Variants in MARCHF6 observed in about 807,000 individuals in gnomAD.
The protein encoded by MARCHF6 is membrane associated ring-CH-type finger 6.
A neutral mutation model predicts 133.7 loss-of-function variants in MARCHF6; 31 were observed. The observed-to-expected ratio is 0.23, with a 90% CI of 0.17 to 0.31. The LOEUF is 0.31. MARCHF6 is among the 10% of genes least tolerant of loss of function. MARCHF6 has a pLI of 1.00. For synonymous variants in MARCHF6, 395 were observed against 402.5 expected (o/e 0.98, Z 0.22); for missense variants, 723 against 1,121.6 (o/e 0.64, Z 5.08).
Position 10,353,835 on chromosome 5 carries a change from TCCCTCTTTCCCCG to T in MARCHF6, c.-60_-48del. 1 of 1,473,122 alleles carries T rather than the reference TCCCTCTTTCCCCG, an allele frequency of 6.8e-7. No individual in the cohort carries two copies. Among genetic ancestry groups the T allele is most frequent in the Non-Finnish European group, 9.2e-7 (1 of 1,091,758 alleles). 91.3% of individuals were successfully genotyped at this position (1,473,122 alleles called of 1,614,324 possible). The stretch of plus-strand genomic sequence containing the variant: ...GGCCCGGCTCCCTCCTCCTCTCCCC[TCCCTCTTTCCCCG>T]CCCGGCCGCGGGAGCCTCGTGGCTG... On this transcript the variant is annotated 5_prime_UTR_variant, in exon 1 of 26. Coordinates refer to ENST00000274140, the MANE Select transcript of MARCHF6 (RefSeq NM_005885.4).
At position 10,381,956 on chromosome 5, in the gene MARCHF6, G is replaced by A. The variant is rs371732126; in HGVS notation, c.334+13G>A. ...CCTCTTACAGCATGTGAGTATTCAT[G>A]CCTCTGATTGGAGTTATTTAAACAT... On this transcript the variant is annotated intron_variant, in intron 4 of 25. Transcript: ENST00000274140. The A allele has an allele frequency of 2.4e-5, 39 of 1,609,892 alleles. No homozygotes were observed. The highest frequency in any genetic ancestry group is 3.0e-5 in the Non-Finnish European group (35 of 1,177,762).
rs199505746 is a variant in MARCHF6, at chr5:10,430,040, G to T, written c.2642+12G>T. On this transcript the variant is annotated intron_variant, in intron 25 of 25. Transcript: ENST00000274140. ...ATTAAAAATGACAAGTAAGTCTGGC[G>T]TTCTGTTCGTCTCTTGTTTAAGTGT... The T allele has an allele frequency of 6.2e-7, 1 of 1,603,906 alleles. No homozygotes were observed. Among genetic ancestry groups the T allele is most frequent in the Non-Finnish European group, 8.5e-7 (1 of 1,172,458 alleles).
chr5:10,417,992 G>A (rs1043395068), intron 22 of MARCHF6, among the ~76,000 whole-genome samples: 1 of 152,064 alleles, frequency 6.6e-6, no homozygotes, highest in Admixed American at 6.5e-5. Context: ...CACCTTTGAG[G>A]TAGGGTGAAT....
chr5:10,376,304 C>T (rs1198092854), intron 1 of MARCHF6, among the ~76,000 whole-genome samples: 1 of 151,878 alleles, frequency 6.6e-6, no homozygotes, highest in African/African-American at 2.4e-5. Context: ...TCCAGACGCG[C>T]TGCCTTAAGA....
At chr5:10,391,095 A>G (rs1316909214) in intron 6 of MARCHF6, among the ~76,000 whole-genome samples, 2 of 152,216 alleles carry the variant, frequency 1.3e-5, no homozygotes, top group African/African-American at 2.4e-5. Context: ...TGTTTTTAAA[A>G]AGAATTTAGT....
chr5:10,398,638 G>T (rs1738333917), intron 10 of MARCHF6, among the ~76,000 whole-genome samples: 2 of 149,698 alleles, frequency 1.3e-5, no homozygotes, highest in African/African-American at 2.5e-5. Context: ...CTTTACTCTT[G>T]CAGAAAAGCT....
intron 1 of MARCHF6, chr5:10,354,766 C>T (rs1218916559): frequency 6.6e-6 from 1 of 152,076 alleles, no homozygotes; most frequent in Non-Finnish European, 1.5e-5. Flanking sequence ...TTCCGGTTAT[C>T]GTGCAAATGC....
intron 24 of MARCHF6, among the ~76,000 whole-genome samples, chr5:10,427,435 TC>T (rs1190949009): frequency 7.9e-5 from 12 of 152,336 alleles, no homozygotes; most frequent in African/African-American, 2.9e-4. Flanking sequence ...ACAAGGCTCC[TC>T]CTTTTGCTTT....
At chr5:10,400,235 A>G (rs1049577730) in intron 10 of MARCHF6, among the ~76,000 whole-genome samples, 2 of 152,202 alleles carry the variant, frequency 1.3e-5, no homozygotes, top group African/African-American at 4.8e-5. Context: ...TTTCTGAAAG[A>G]AGAAGAAATT....
rs1211964278 is a variant in MARCHF6, at chr5:10,438,721, A to G, written c.*5037A>G. ...AAGGAACTCAGAATGGAACAGAAGC[A>G]TGAGCAAAAGATTGTATTACAGAGG... On this transcript the variant is annotated 3_prime_UTR_variant, in exon 26 of 26. Coordinates refer to ENST00000274140, the MANE Select transcript of MARCHF6 (RefSeq NM_005885.4). The G allele has an allele frequency of 6.6e-6, 1 of 152,276 alleles. No homozygotes were observed. The highest frequency in any genetic ancestry group is 1.5e-5 in the Non-Finnish European group (1 of 68,054). 9.4% of individuals were successfully genotyped at this position (152,276 alleles called of 1,614,324 possible).
At chr5:10,358,586 G>C (rs1436836637) in intron 1 of MARCHF6, among the ~76,000 whole-genome samples, 1 of 152,104 alleles carries the variant, frequency 6.6e-6, no homozygotes, top group Non-Finnish European at 1.5e-5. Flanking sequence ...GTAATCTAGA[G>C]ATAATTTAAA....
At chr5:10,411,589 T>C in intron 19 of MARCHF6, 52 bp downstream of exon 19, 1 of 1,462,524 alleles carries the variant, frequency 6.8e-7, no homozygotes. Flanking sequence ...GGTTTTTTTG[T>C]TCTCCAAATT....
intron 5 of MARCHF6, 84 bp from the exon 6 acceptor site, chr5:10,390,248 T>G: frequency 1.8e-6 from 2 of 1,085,542 alleles, no homozygotes; most frequent in Non-Finnish European, 2.7e-6. Context: ...TTTCTGAGAC[T>G]TTAGTATAAG....
chr5:10,377,177 A>G (rs1448536623), intron 1 of MARCHF6, among the ~76,000 whole-genome samples: 1 of 152,094 alleles, frequency 6.6e-6, no homozygotes, highest in Non-Finnish European at 1.5e-5. Context: ...AGGACCCCTT[A>G]GCGCTGTCCC....
intron 1 of MARCHF6, 34 bp downstream of exon 1, chr5:10,353,951 C>G: frequency 6.5e-7 from 1 of 1,534,236 alleles, no homozygotes; most frequent in Non-Finnish European, 8.7e-7. Flanking sequence ...CGAGCCCTTG[C>G]GTCGGCGCCC....
chr5:10,411,910 G>A (rs968764066), intron 19 of MARCHF6, among the ~76,000 whole-genome samples: 1 of 152,162 alleles, frequency 6.6e-6, no homozygotes. Flanking sequence ...TATAGCTAAG[G>A]AAACTGAAGG....
chr5:10,425,942 A>G (rs1249992522), intron 23 of MARCHF6, among the ~76,000 whole-genome samples: 1 of 152,210 alleles, frequency 6.6e-6, no homozygotes, highest in Admixed American at 6.5e-5. Flanking sequence ...TGATTTATGC[A>G]AGCTTTTCAG....
chr5:10,436,408 C>A lies in MARCHF6; in HGVS notation c.*2724C>A, dbSNP rs1320148054. On this transcript the variant is annotated 3_prime_UTR_variant, in exon 26 of 26. Transcript: ENST00000274140. The stretch of plus-strand genomic sequence containing the variant: ...GTAGCATCCGGGTTTTAGTATTTAA[C>A]CAAGAGCCTTTTAAATATTGAAAAC... 6.6e-6 allele frequency: 1 copy of A among 152,144 alleles called. No homozygotes were observed. Among genetic ancestry groups the A allele is most frequent in the Non-Finnish European group, 1.5e-5 (1 of 68,026 alleles). The allele number at this position is 152,144 out of a possible 1,614,324, so 9.4% of individuals were successfully genotyped here. A position where few individuals can be genotyped will look rare whatever the true frequency, so the allele number is the denominator to read the frequency against.
chr5:10,372,090 A>C (rs1053027575), intron 1 of MARCHF6, among the ~76,000 whole-genome samples: 8 of 151,856 alleles, frequency 5.3e-5, no homozygotes, highest in African/African-American at 1.7e-4. Flanking sequence ...AGAGACATAG[A>C]GACATGGAAG....
Sources: gnomAD v4.1 joint callset for allele counts (sites outside exome capture counted in the v4.1 genomes callset) on GRCh38, gnomAD v4.1.1 for gene constraint, MANE v1.5 for transcripts, NCBI Gene and HGNC (gene_info 2026-07-23, HGNC 2026-07-21) for gene names.